Variants in TAFA1 observed in about 807,000 individuals in gnomAD.
The protein encoded by TAFA1 is chemokine-like protein TAFA-1.
Under a neutral mutation model 18.5 loss-of-function variants are expected in TAFA1, and 4 were observed. That is an observed-to-expected ratio of 0.22 (90% CI 0.11 to 0.49). TAFA1 has a LOEUF of 0.49. Among genes scored for constraint, TAFA1 ranks in the 20% least tolerant of loss-of-function variants. TAFA1 has a pLI of 0.98. For missense variants in TAFA1, 147 were observed against 169.0 expected, an observed-to-expected ratio of 0.87 and a Z score of 0.72; for synonymous variants, 56 against 55.2, an observed-to-expected ratio of 1.01 and a Z score of -0.06.
At chr3:68,066,574 C>T (rs1299705350) in intron 2 of TAFA1, among the ~76,000 whole-genome samples, 1 of 152,124 alleles carries the variant, frequency 6.6e-6, no homozygotes, top group East Asian at 1.9e-4. Flanking sequence ...TTGCAAAGAA[C>T]TGAGCAGTAC....
At chr3:68,026,852 A>T (rs1030931756) in intron 2 of TAFA1, among the ~76,000 whole-genome samples, 1 of 152,116 alleles carries the variant, frequency 6.6e-6, no homozygotes, top group Admixed American at 6.6e-5. Context: ...CTGAGCCTGG[A>T]TAATTTATAT....
intron 2 of TAFA1, among the ~76,000 whole-genome samples, chr3:68,247,103 A>C (rs531875204): frequency 2.0e-5 from 3 of 152,266 alleles, no homozygotes; most frequent in African/African-American, 4.8e-5. Flanking sequence ...CCTACGCTAT[A>C]TACTGACTCT....
intron 2 of TAFA1, among the ~76,000 whole-genome samples, chr3:68,173,555 G>C (rs986959518): frequency 1.3e-5 from 2 of 152,160 alleles, no homozygotes; most frequent in Admixed American, 1.3e-4. Flanking sequence ...ATATTTATAT[G>C]AAGGGCCTAT....
intron 2 of TAFA1, among the ~76,000 whole-genome samples, chr3:68,118,016 T>C (rs1475947478): frequency 6.6e-6 from 1 of 152,208 alleles, no homozygotes; most frequent in Non-Finnish European, 1.5e-5. Context: ...ACTGGTTTTG[T>C]TGAAAACAAT....
intron 3 of TAFA1, among the ~76,000 whole-genome samples, chr3:68,506,634 A>T (rs551510013): frequency 1.1e-3 from 167 of 152,260 alleles, no homozygotes; most frequent in African/African-American, 3.8e-3. Context: ...AATATTAGTC[A>T]TTGAAGCCTG....
At chr3:68,217,842 A>T (rs2066678378) in intron 2 of TAFA1, among the ~76,000 whole-genome samples, 2 of 152,070 alleles carry the variant, frequency 1.3e-5, no homozygotes, top group African/African-American at 4.8e-5. Context: ...TTACTATCTC[A>T]TTTAGCTTTC....
At chr3:68,307,912 C>T (rs1461462154) in intron 2 of TAFA1, among the ~76,000 whole-genome samples, 1 of 152,094 alleles carries the variant, frequency 6.6e-6, no homozygotes, top group Non-Finnish European at 1.5e-5. Flanking sequence ...TGTTACCTCA[C>T]TGGTTTCTAA....
chr3:68,496,706 C>G (rs1182420917), intron 3 of TAFA1, among the ~76,000 whole-genome samples: 1 of 152,132 alleles, frequency 6.6e-6, no homozygotes, highest in East Asian at 1.9e-4. Context: ...ACCCAAGTGT[C>G]AAGACTGGGT....
chr3:68,127,763 T>G (rs1222509969), intron 2 of TAFA1, among the ~76,000 whole-genome samples: 1 of 126,824 alleles, frequency 7.9e-6, no homozygotes, highest in East Asian at 2.3e-4. Flanking sequence ...GTGGTGATGC[T>G]GATGGCAGTG....
intron 2 of TAFA1, among the ~76,000 whole-genome samples, chr3:68,023,562 A>G (rs1258382714): frequency 2.6e-5 from 4 of 152,118 alleles, no homozygotes; most frequent in East Asian, 1.9e-4. Flanking sequence ...GCCACAAAAT[A>G]CCTTAGTGGT....
chr3:68,035,858 G>C (rs1003732993), intron 2 of TAFA1, among the ~76,000 whole-genome samples: 29 of 152,144 alleles, frequency 1.9e-4, no homozygotes, highest in African/African-American at 6.5e-4. Flanking sequence ...ACAAACTACA[G>C]AAACATGCAG....
At chr3:68,541,663 A>G (rs1005438724) in intron 4 of TAFA1, among the ~76,000 whole-genome samples, 3 of 152,068 alleles carry the variant, frequency 2.0e-5, no homozygotes, top group Admixed American at 6.6e-5. Context: ...CACTCAGGAT[A>G]AAAATAAAGT....
At chr3:68,156,135 T>TA (rs1453681578) in intron 2 of TAFA1, among the ~76,000 whole-genome samples, 1 of 152,000 alleles carries the variant, frequency 6.6e-6, no homozygotes, top group Non-Finnish European at 1.5e-5. Flanking sequence ...CGGAACATGG[T>TA]AAAAAAGCAC....
intron 2 of TAFA1, among the ~76,000 whole-genome samples, chr3:68,199,921 A>G (rs1199746812): frequency 1.3e-5 from 2 of 151,504 alleles, no homozygotes; most frequent in Non-Finnish European, 3.0e-5. Context: ...ATTGTTTTTG[A>G]TCTTAGTGGG....
intron 3 of TAFA1, among the ~76,000 whole-genome samples, chr3:68,463,086 T>C (rs1377097087): frequency 6.6e-6 from 1 of 152,158 alleles, no homozygotes; most frequent in Non-Finnish European, 1.5e-5. Context: ...CTTAGTTATT[T>C]GGTTGCTTGT....
rs780205455 is a variant in TAFA1 at position 68,147,039 on chromosome 3, G to GTGTGTA, written c.118+140296_118+140297insGTGTAT. Among the ~76,000 whole-genome samples, 815 of 148,276 alleles carry GTGTGTA rather than the reference G, an allele frequency of 5.5e-3. 7 individuals carry two copies. Among genetic ancestry groups the GTGTGTA allele is most frequent in the African/African-American group, 0.017 (698 of 39,920 alleles). On this transcript the variant is annotated intron_variant, in intron 2 of 4. Transcript: ENST00000478136. Reference sequence around the variant, plus strand: ...TATATATGTGTGTGTGTGTGTGTGTGTATATATATATATATATATTCTATA... The same window carrying GTGTGTA: ...TATATATGTGTGTGTGTGTGTGTGTGTGTGTATATATATATATATATATATTCTATA...
At chr3:68,070,333 C>G (rs1338748711) in intron 2 of TAFA1, among the ~76,000 whole-genome samples, 2 of 152,226 alleles carry the variant, frequency 1.3e-5, no homozygotes, top group African/African-American at 4.8e-5. Context: ...ACAGCCCGAG[C>G]TATACCTTGG....
rs913486907 is a variant in TAFA1 at position 68,015,314 on chromosome 3, T to C, written c.118+8570T>C. 2.2e-4 allele frequency among the ~76,000 whole-genome samples: 33 copies of C among 151,930 alleles called. 1 individual carries two copies. The highest frequency in any genetic ancestry group is 2.1e-3 in the South Asian group (10 of 4,812). ...TTCCTTTTTTTTTTTGAGACGTAGT[T>C]TTGCTCTTGTTGCCTAGGCTGGAGT... is the stretch of plus-strand genomic sequence containing the variant. On this transcript the variant is annotated intron_variant, in intron 2 of 4. Coordinates refer to ENST00000478136, the MANE Select transcript of TAFA1 (RefSeq NM_213609.4).
At chr3:68,499,690 A>G (rs947181223) in intron 3 of TAFA1, among the ~76,000 whole-genome samples, 7 of 151,810 alleles carry the variant, frequency 4.6e-5, no homozygotes, top group African/African-American at 1.7e-4. Context: ...ATAAAACCCC[A>G]TTAGTTTTAT....
Sources: allele counts gnomAD v4.1 joint callset (sites outside exome capture counted in the v4.1 genomes callset), GRCh38; gene constraint gnomAD v4.1.1; transcripts MANE v1.5; gene names NCBI Gene and HGNC (gene_info 2026-07-23, HGNC 2026-07-21).